Variants in RIT1 observed in about 807,000 individuals in gnomAD.
RIT1 encodes GTP-binding protein Rit1.
A neutral mutation model predicts 25.6 loss-of-function variants in RIT1; 6 were observed. The observed-to-expected ratio is 0.23, with a 90% CI of 0.13 to 0.46. The LOEUF (loss-of-function observed/expected upper bound fraction) is 0.46, where lower values mean the gene tolerates loss of function less well. Among genes scored for constraint, RIT1 ranks in the 20% least tolerant of loss-of-function variants. The pLI, the probability that RIT1 is intolerant of heterozygous loss-of-function variation, is 0.99. For missense variants in RIT1, 219 were observed against 284.4 expected (o/e 0.77, Z 1.65); for synonymous variants, 81 against 94.1 (o/e 0.86, Z 0.80).
At chr1:155,909,565 C>CA (rs763106315) in intron 3 of RIT1, among the ~76,000 whole-genome samples, 7 of 151,956 alleles carry the variant, frequency 4.6e-5, no homozygotes, top group African/African-American at 7.3e-5. Context: ...ATAAAAAAGT[C>CA]AAAGCAAACA....
rs1673235631 is a variant in RIT1 at position 155,898,513 on chromosome 1, AAAAAAATATATATATATATATATATATAT to A, written c.*1846_*1874del. 1.8e-5 allele frequency: 2 copies of A among 109,234 alleles called. No homozygotes were observed. Among genetic ancestry groups the A allele is most frequent in the Admixed American group, 9.9e-5 (1 of 10,100 alleles). The allele number at this position is 109,234 out of a possible 1,614,324, so 6.8% of individuals were successfully genotyped here. On this transcript the variant is annotated 3_prime_UTR_variant, in exon 6 of 6. Transcript: ENST00000368323. The stretch of plus-strand genomic sequence containing the variant: ...TATTTAAAAAAAAAAAAAAAAAAAA[AAAAAAATATATATATATATATATATATAT>A]ATCTCTTAATGTTAATAACAATTCC...
At chr1:155,906,011 T>C (rs1006558663) in intron 3 of RIT1, among the ~76,000 whole-genome samples, 18 of 152,182 alleles carry the variant, frequency 1.2e-4, no homozygotes, top group African/African-American at 4.3e-4. Context: ...GTATTTTTAG[T>C]ATAGACAGGG....
intron 3 of RIT1, 129 bp downstream of exon 3, chr1:155,910,321 C>A (rs1280202054): frequency 1.2e-5 from 9 of 747,780 alleles, no homozygotes; most frequent in Non-Finnish European, 1.5e-5. Flanking sequence ...CTGCTGATAC[C>A]CTTGTTTCTA....
At chr1:155,905,518 G>A (rs1016783961) in intron 3 of RIT1, among the ~76,000 whole-genome samples, 1 of 150,652 alleles carries the variant, frequency 6.6e-6, no homozygotes, top group African/African-American at 2.4e-5. Flanking sequence ...ATCTCTTAGG[G>A]GAAAAAAAAA....
At chr1:155,901,934 G>T (rs886370936) in intron 5 of RIT1, among the ~76,000 whole-genome samples, 1 of 152,122 alleles carries the variant, frequency 6.6e-6, no homozygotes, top group East Asian at 1.9e-4. Context: ...TGGCCAACAC[G>T]GTGAAACCCC....
At chr1:155,900,769 T>C (rs997905204) in intron 5 of RIT1, 151 bp from the exon 6 acceptor site, 1 of 629,638 alleles carries the variant, frequency 1.6e-6, no homozygotes, top group African/African-American at 1.8e-5. Flanking sequence ...TTAGGCTAGA[T>C]TACTTCTAAG....
intron 3 of RIT1, among the ~76,000 whole-genome samples, chr1:155,909,207 C>T (rs991489649): frequency 6.6e-6 from 1 of 151,804 alleles, no homozygotes; most frequent in Non-Finnish European, 1.5e-5. Flanking sequence ...AATCCCATCT[C>T]TACTAAAAAT....
chr1:155,903,265 C>T lies in RIT1; in HGVS notation c.429+1046G>A, dbSNP rs575099680. Among the ~76,000 whole-genome samples, 12 of 151,314 alleles carry T rather than the reference C, an allele frequency of 7.9e-5. No individual in the cohort carries two copies. In the South Asian group the frequency reaches 2.5e-3, roughly 32 times the overall value. On this transcript the variant is annotated intron_variant, in intron 5 of 5. Transcript: ENST00000368323. ...GAGCAGAGATCGTGCCACTGCACGCCAGCCTGGGCGACAGACAAGACTCCG... is the reference window on the plus strand; with the variant it reads ...GAGCAGAGATCGTGCCACTGCACGCTAGCCTGGGCGACAGACAAGACTCCG...
At position 155,907,509 on chromosome 1, in the gene RIT1, C is replaced by T. The variant is rs528928455; in HGVS notation, c.164-2705G>A. 2.0e-5 allele frequency among the ~76,000 whole-genome samples: 3 copies of T among 152,324 alleles called. No individual in the cohort carries two copies. The South Asian group carries it at 6.2e-4, about 32-fold the overall frequency. ...TTGGCCTCCTAAAGTGCTTCGATTA[C>T]AGGATTGCAGGCTCAGGATTACAGG... On this transcript the variant is annotated intron_variant, in intron 3 of 5. Coordinates refer to ENST00000368323, the MANE Select transcript of RIT1 (RefSeq NM_006912.6).
intron 5 of RIT1, among the ~76,000 whole-genome samples, chr1:155,903,452 C>CAAAAA (rs1192641376): frequency 5.6e-4 from 30 of 53,376 alleles, no homozygotes; most frequent in Non-Finnish European, 6.7e-4. Context: ...GACTCTGTCT[C>CAAAAA]AAAAAAAAAA....
chr1:155,910,321 C>T, intron 3 of RIT1, 129 bp downstream of exon 3: 2 of 747,794 alleles, frequency 2.7e-6, no homozygotes, highest in Admixed American at 5.5e-5. Flanking sequence ...CTGCTGATAC[C>T]CTTGTTTCTA....
In RIT1 at chr1:155,910,969, C is replaced by CA. The variant is rs79437610; in HGVS notation, c.-43-166_-43-165insT. Reference sequence around the variant, plus strand: ...TTTCGGGTGGCCCTAAGAAACCCCCCCATCTTCACCCTCCCTCCTAGACAG... The same window carrying CA: ...TTTCGGGTGGCCCTAAGAAACCCCCCACATCTTCACCCTCCCTCCTAGACAG... On this transcript the variant is annotated intron_variant, in intron 1 of 5. Transcript: ENST00000368323. The CA allele has an allele frequency of 0.9, 1,353,980 of 1,510,134 alleles. 615,622 individuals are homozygous for CA. Among genetic ancestry groups the CA allele is most frequent in the East Asian group, 0.95 (38,564 of 40,808 alleles). The allele number at this position is 1,510,134 out of a possible 1,614,324, so 93.5% of individuals were successfully genotyped here.
intron 4 of RIT1, 69 bp from the exon 5 acceptor site, chr1:155,904,571 C>T: frequency 1.4e-6 from 2 of 1,437,096 alleles, no homozygotes; most frequent in Non-Finnish European, 1.9e-6. Flanking sequence ...TTAGCTATTT[C>T]TTTCAGATTA....
chr1:155,909,149 G>A (rs1673522883), intron 3 of RIT1, among the ~76,000 whole-genome samples: 1 of 151,694 alleles, frequency 6.6e-6, no homozygotes, highest in African/African-American at 2.4e-5. Context: ...TCCGAGGTGG[G>A]CAGATCACGA....
At position 155,910,784 on chromosome 1, in the gene RIT1, G is replaced by A. The variant is rs766428438; in HGVS notation, c.-23C>T. The stretch of plus-strand genomic sequence containing the variant: ...CATTGTCCTCTTGGGGCCTTCCTCG[G>A]TTGCCCCGAGGAAAAGCCACCTAGA... On this transcript the variant is annotated 5_prime_UTR_variant, in exon 2 of 6. Coordinates refer to ENST00000368323, the MANE Select transcript of RIT1 (RefSeq NM_006912.6). 4 of 1,614,022 alleles carry A rather than the reference G, an allele frequency of 2.5e-6. No homozygotes were observed. The highest frequency in any genetic ancestry group is 2.7e-5 in the African/African-American group (2 of 74,920).
Position 155,907,240 on chromosome 1 carries a change from C to CTTT in RIT1, c.164-2439_164-2437dup, listed in dbSNP as rs773275927. The stretch of plus-strand genomic sequence containing the variant: ...ATATACATATGCACACATTCATATG[C>CTTT]TTTTTTTTTTTTTTTTTGAGGCAAA... On this transcript the variant is annotated intron_variant, in intron 3 of 5. Transcript: ENST00000368323. Among the ~76,000 whole-genome samples, 13 of 139,072 alleles carry CTTT rather than the reference C, an allele frequency of 9.3e-5. 1 individual carries two copies. The highest frequency in any genetic ancestry group is 1.0e-4 in the African/African-American group (4 of 38,096). The allele number at this position is 139,072 out of a possible 152,430, so 91.2% of individuals were successfully genotyped here.
chr1:155,908,173 C>T (rs151071626), intron 3 of RIT1, among the ~76,000 whole-genome samples: 212 of 144,720 alleles, frequency 1.5e-3, no homozygotes, highest in African/African-American at 5.1e-3. Context: ...GGGAAAGACG[C>T]GGCCGGGCAC....
At chr1:155,908,308 A>T (rs1252158291) in intron 3 of RIT1, among the ~76,000 whole-genome samples, 1 of 151,472 alleles carries the variant, frequency 6.6e-6, no homozygotes, top group Non-Finnish European at 1.5e-5. Flanking sequence ...ACAAAAAATT[A>T]GCCGGGCGTG....
At chr1:155,903,666 T>C (rs986034079) in intron 5 of RIT1, among the ~76,000 whole-genome samples, 3 of 152,208 alleles carry the variant, frequency 2.0e-5, no homozygotes, top group South Asian at 2.1e-4. Flanking sequence ...TCCCTATAAA[T>C]TTTTTCCAAT....
Sources: allele counts gnomAD v4.1 joint callset (sites outside exome capture counted in the v4.1 genomes callset), GRCh38; gene constraint gnomAD v4.1.1; transcripts MANE v1.5; gene names NCBI Gene and HGNC (gene_info 2026-07-23, HGNC 2026-07-21).